The following GMDS variants were observed in gnomAD, a reference collection of about 807,000 sequenced individuals.
GMDS encodes the protein GDP-mannose 4,6-dehydratase.
Under a neutral mutation model 49.9 loss-of-function variants are expected in GMDS, and 20 were observed. That is an observed-to-expected ratio of 0.40 (90% confidence interval 0.28 to 0.58). GMDS has a LOEUF of 0.58. Among genes scored for constraint, GMDS ranks in the 20% least tolerant of loss-of-function variants. The probability of loss-of-function intolerance (pLI) is 0.42; values close to 1 mark genes in which losing one functional copy is unlikely to be tolerated. For missense variants in GMDS, 362 were observed against 481.4 expected (o/e 0.75, Z 2.32); for synonymous variants, 177 against 178.6 (o/e 0.99, Z 0.07).
rs1319601114 is a variant in GMDS, at chr6:1,836,578, A to T, written c.771+93525T>A. Among the ~76,000 whole-genome samples the T allele has an allele frequency of 1.3e-5, 2 of 152,248 alleles. No individual in the cohort carries two copies. The highest frequency in any genetic ancestry group is 4.8e-5 in the African/African-American group (2 of 41,454). The stretch of plus-strand genomic sequence containing the variant: ...AATGTCCTTTCATTAGTATAATGAC[A>T]TCTACTAACTACATCAGTTTGCAGA... On this transcript the variant is annotated intron_variant, in intron 7 of 10. Transcript: ENST00000380815. The surrounding 1 kb of genome is among the most constrained non-coding windows in gnomAD (Gnocchi z 4.2).
intron 6 of GMDS, among the ~76,000 whole-genome samples, chr6:1,935,082 C>T (rs1463225838): frequency 2.0e-5 from 3 of 152,176 alleles, no homozygotes; most frequent in Admixed American, 1.3e-4. Flanking sequence ...AACTTAAATA[C>T]ATACTTGATT....
chr6:1,768,170 G>A (rs1768431805), intron 7 of GMDS, among the ~76,000 whole-genome samples: 1 of 152,052 alleles, frequency 6.6e-6, no homozygotes, highest in South Asian at 2.1e-4. Context: ...ACCTTAATAG[G>A]TAACATGAGT....
intron 7 of GMDS, among the ~76,000 whole-genome samples, chr6:1,839,924 G>C (rs1345467288): frequency 2.0e-5 from 3 of 152,158 alleles, no homozygotes; most frequent in Non-Finnish European, 4.4e-5. Flanking sequence ...AATCGTGAAA[G>C]GAATATTTTG....
At chr6:1,776,137 C>T (rs1215649483) in intron 7 of GMDS, among the ~76,000 whole-genome samples, 5 of 152,212 alleles carry the variant, frequency 3.3e-5, no homozygotes, top group Non-Finnish European at 5.9e-5. Context: ...GTTCAGAATC[C>T]GGAGTTGACT....
intron 4 of GMDS, among the ~76,000 whole-genome samples, chr6:2,053,919 A>G (rs932641600): frequency 1.3e-5 from 2 of 152,126 alleles, no homozygotes; most frequent in Admixed American, 6.5e-5. Flanking sequence ...CTCCTATTAC[A>G]TACACAATTA....
At chr6:1,762,922 C>T (rs1267817728) in intron 7 of GMDS, among the ~76,000 whole-genome samples, 1 of 152,122 alleles carries the variant, frequency 6.6e-6, no homozygotes, top group East Asian at 1.9e-4. Context: ...CAAAGAATAG[C>T]AATTGAATGT....
chr6:2,060,308 GTTTT>G (rs1448996532), intron 4 of GMDS, among the ~76,000 whole-genome samples: 5 of 152,046 alleles, frequency 3.3e-5, no homozygotes, highest in South Asian at 2.1e-4. Flanking sequence ...CTCGTTTTTC[GTTTT>G]TTTGTTTTCT....
At chr6:1,730,676 G>GC (rs1328790772) in intron 8 of GMDS, among the ~76,000 whole-genome samples, 2 of 152,086 alleles carry the variant, frequency 1.3e-5, no homozygotes, top group East Asian at 3.9e-4. Flanking sequence ...TGACAGTCAG[G>GC]CCTATTTCCT....
At chr6:1,771,506 T>C (rs1260682836) in intron 7 of GMDS, among the ~76,000 whole-genome samples, 1 of 152,198 alleles carries the variant, frequency 6.6e-6, no homozygotes, top group African/African-American at 2.4e-5. Context: ...AAGCAAATAG[T>C]AGTGAGTCAA....
chr6:1,967,282 G>C (rs1764315685), intron 4 of GMDS, among the ~76,000 whole-genome samples: 1 of 152,230 alleles, frequency 6.6e-6, no homozygotes, highest in Non-Finnish European at 1.5e-5. Context: ...TGAGAGCTGG[G>C]TTTCATCTTG....
intron 7 of GMDS, among the ~76,000 whole-genome samples, chr6:1,758,352 C>A (rs984238471): frequency 5.9e-5 from 9 of 152,278 alleles, no homozygotes; most frequent in African/African-American, 2.2e-4. Flanking sequence ...ACAACTAGCT[C>A]CTAATTTACA....
chr6:1,873,987 C>T (rs3800110), intron 7 of GMDS, among the ~76,000 whole-genome samples: 45,109 of 152,056 alleles, frequency 0.3, 6,660 homozygotes, highest in Middle Eastern at 0.37. Flanking sequence ...GTATTAGGGC[C>T]GTGGTGTAAT....
At chr6:1,828,920 C>T (rs994927113) in intron 7 of GMDS, among the ~76,000 whole-genome samples, 5 of 152,122 alleles carry the variant, frequency 3.3e-5, no homozygotes, top group Admixed American at 6.5e-5. Context: ...CTACTAATTC[C>T]GACTGTTGAC....
chr6:1,926,747 A>G (rs1277134970), intron 7 of GMDS, among the ~76,000 whole-genome samples: 2 of 152,252 alleles, frequency 1.3e-5, no homozygotes, highest in African/African-American at 4.8e-5. Flanking sequence ...AACGGAGGGT[A>G]CCAAGCTATA....
At chr6:2,219,760 G>T (rs1455453680) in intron 1 of GMDS, among the ~76,000 whole-genome samples, 1 of 152,162 alleles carries the variant, frequency 6.6e-6, no homozygotes, top group East Asian at 1.9e-4. Context: ...TCTGATTTCA[G>T]TATCATGAAT....
chr6:1,795,192 T>A (rs537182859), intron 7 of GMDS, among the ~76,000 whole-genome samples: 2 of 152,290 alleles, frequency 1.3e-5, no homozygotes, highest in East Asian at 3.9e-4. Context: ...ACAGTCAGAC[T>A]CCGTCTCAAA....
At chr6:1,803,569 T>A (rs1381924939) in intron 7 of GMDS, among the ~76,000 whole-genome samples, 8 of 150,590 alleles carry the variant, frequency 5.3e-5, no homozygotes, top group African/African-American at 1.9e-4. Flanking sequence ...TCCCTTCCCG[T>A]CCCCAAATAA....
chr6:2,078,630 T>C (rs1772486375), intron 4 of GMDS, among the ~76,000 whole-genome samples: 1 of 152,112 alleles, frequency 6.6e-6, no homozygotes, highest in Admixed American at 6.5e-5. Context: ...AGGACATAGT[T>C]GATATGATCT....
chr6:1,734,369 C>T (rs777492000), intron 8 of GMDS, among the ~76,000 whole-genome samples: 2 of 152,198 alleles, frequency 1.3e-5, no homozygotes, highest in African/African-American at 2.4e-5. Context: ...ATTTCTCTAT[C>T]GTGGGGCCCT....
Sources: allele counts gnomAD v4.1 joint callset (sites outside exome capture counted in the v4.1 genomes callset), GRCh38; gene constraint gnomAD v4.1.1; non-coding constraint Gnocchi (gnomAD v3.1); transcripts MANE v1.5; gene names NCBI Gene and HGNC (gene_info 2026-07-23, HGNC 2026-07-21).